GLG1: variants seen among roughly 807,000 people sequenced by gnomAD.
The protein encoded by GLG1 is Golgi apparatus protein 1.
A neutral mutation model predicts 160.5 loss-of-function variants in GLG1; 38 were observed. The observed-to-expected ratio is 0.24, with a 90% CI of 0.18 to 0.31. The LOEUF is 0.31. Ranked by LOEUF, GLG1 falls within the 10% of genes least tolerant of loss-of-function variation. The pLI is 1.00. For synonymous variants in GLG1, 644 were observed against 543.4 expected (o/e 1.19, Z -2.57); for missense variants, 1,373 against 1,505.2 (o/e 0.91, Z 1.45).
intron 1 of GLG1, among the ~76,000 whole-genome samples, chr16:74,572,576 T>C (rs2018863117): frequency 6.6e-6 from 1 of 151,804 alleles, no homozygotes; most frequent in Non-Finnish European, 1.5e-5. Flanking sequence ...TCTGAGGTCT[T>C]CCAGATAACT....
intron 1 of GLG1, among the ~76,000 whole-genome samples, chr16:74,571,001 G>T (rs1345328281): frequency 6.7e-6 from 1 of 150,334 alleles, no homozygotes; most frequent in Non-Finnish European, 1.5e-5. Context: ...TTAACCTTTT[G>T]AATCTGGGCA....
At position 74,452,345 on chromosome 16, in the gene GLG1, C is replaced by T. The variant is rs573292763; in HGVS notation, c.*822G>A. The T allele has an allele frequency of 1.5e-5, 21 of 1,374,428 alleles. No individual in the cohort carries two copies. The highest frequency in any genetic ancestry group is 3.0e-5 in the Admixed American group (1 of 33,412). 85.1% of individuals were successfully genotyped at this position (1,374,428 alleles called of 1,614,324 possible). On this transcript the variant is annotated 3_prime_UTR_variant, in exon 26 of 26. Coordinates refer to ENST00000422840, the MANE Select transcript of GLG1 (RefSeq NM_001145667.2). ...GAAGGTTCCTGGGATCCTGCTGCCC[C>T]GGGACTCAGGATCCAGCCTCTCAGT...
At position 74,489,766 on chromosome 16, in the gene GLG1, C is replaced by A. The variant is rs868777170; in HGVS notation, c.1449+1235G>T. Among the ~76,000 whole-genome samples the A allele has an allele frequency of 5.3e-4, 81 of 152,170 alleles. 1 individual carries two copies. The highest frequency in any genetic ancestry group is 2.0e-3 in the African/African-American group (81 of 41,424). ...ACCATGGGATGCATAGACACGCATG[C>A]GTGCGCACACACACACACAGACACA... On this transcript the variant is annotated intron_variant, in intron 8 of 25. Transcript: ENST00000422840.
At chr16:74,479,623 T>C (rs2015526838) in intron 11 of GLG1, among the ~76,000 whole-genome samples, 2 of 152,112 alleles carry the variant, frequency 1.3e-5, no homozygotes, top group Non-Finnish European at 2.9e-5. Context: ...TGAGAAGTGA[T>C]ACCATCTCAA....
At position 74,527,798 on chromosome 16, in the gene GLG1, C is replaced by T. The variant is rs534243473; in HGVS notation, c.471+4323G>A. ...GGTGAGTGCCGTGGCGGGATCTCAG[C>T]TCACTGCGACCTCTTCCTCCCCAGT... On this transcript the variant is annotated intron_variant, in intron 2 of 25. Transcript: ENST00000422840. Among the ~76,000 whole-genome samples, 222 of 152,008 alleles carry T rather than the reference C, an allele frequency of 1.5e-3. 1 individual carries two copies. The South Asian group carries it at 0.016, about 11-fold the overall frequency.
At chr16:74,561,030 T>C (rs2018498635) in intron 1 of GLG1, among the ~76,000 whole-genome samples, 1 of 152,248 alleles carries the variant, frequency 6.6e-6, no homozygotes, top group African/African-American at 2.4e-5. Flanking sequence ...CACGCAGTCC[T>C]GCGCAGTCCT....
chr16:74,463,325 CG>C (rs761284294), intron 20 of GLG1, 30 bp downstream of exon 20: 20 of 1,610,290 alleles, frequency 1.2e-5, no homozygotes, highest in Non-Finnish European at 1.6e-5. Flanking sequence ...AGATACTCCA[CG>C]GGGCCAGGAG....
chr16:74,589,847 G>C (rs1346473930), intron 1 of GLG1, among the ~76,000 whole-genome samples: 1 of 152,154 alleles, frequency 6.6e-6, no homozygotes, highest in Non-Finnish European at 1.5e-5. Flanking sequence ...TGAGGCAGGA[G>C]AATTGCTTGA....
At chr16:74,490,865 G>T (rs915195212) in intron 8 of GLG1, 136 bp downstream of exon 8, 2 of 646,226 alleles carry the variant, frequency 3.1e-6, no homozygotes, top group Admixed American at 5.6e-5. Flanking sequence ...GCAACGTTCA[G>T]TCTCTGATCA....
chr16:74,545,140 T>C (rs531716058), intron 1 of GLG1, among the ~76,000 whole-genome samples: 1 of 152,290 alleles, frequency 6.6e-6, no homozygotes, highest in East Asian at 1.9e-4. Flanking sequence ...GGTGGAAAGA[T>C]CTAATCCTAA....
intron 2 of GLG1, among the ~76,000 whole-genome samples, chr16:74,514,087 T>TA (rs551070476): frequency 2.6e-4 from 39 of 151,802 alleles, no homozygotes; most frequent in Admixed American, 6.6e-4. Flanking sequence ...CAAGATTAGA[T>TA]AAAAAAAGAG....
chr16:74,451,912 A>T lies in GLG1; in HGVS notation c.*1255T>A. ...ATACAACATTTAGCCAATGCCTACTAGAGTGGGTACACGCAGCAAATGGAC... is the reference window on the plus strand; with the variant it reads ...ATACAACATTTAGCCAATGCCTACTTGAGTGGGTACACGCAGCAAATGGAC... On this transcript the variant is annotated 3_prime_UTR_variant, in exon 26 of 26. Transcript: ENST00000422840. 1 of 656,230 alleles carries T rather than the reference A, an allele frequency of 1.5e-6. No homozygotes were observed. Among genetic ancestry groups the T allele is most frequent in the South Asian group, 1.8e-5 (1 of 56,140 alleles). 40.7% of individuals were successfully genotyped at this position (656,230 alleles called of 1,614,324 possible).
At chr16:74,540,692 T>G (rs1205321951) in intron 1 of GLG1, among the ~76,000 whole-genome samples, 1 of 151,444 alleles carries the variant, frequency 6.6e-6, no homozygotes, top group Non-Finnish European at 1.5e-5. Context: ...TAGAATACAG[T>G]TTGGTGCTGG....
At chr16:74,559,526 ACTCTTCCTTAATC>A (rs1208454065) in intron 1 of GLG1, among the ~76,000 whole-genome samples, 1 of 151,494 alleles carries the variant, frequency 6.6e-6, no homozygotes, top group African/African-American at 2.4e-5. Flanking sequence ...TAAAAATATA[ACTCTTCCTTAATC>A]CTCTGTCCTC....
At chr16:74,584,965 T>G (rs1289770723) in intron 1 of GLG1, among the ~76,000 whole-genome samples, 1 of 151,904 alleles carries the variant, frequency 6.6e-6, no homozygotes, top group Non-Finnish European at 1.5e-5. Flanking sequence ...TGTACAATGC[T>G]CGAGTAATGG....
At chr16:74,487,165 C>T (rs1049908794) in intron 8 of GLG1, among the ~76,000 whole-genome samples, 4 of 152,114 alleles carry the variant, frequency 2.6e-5, no homozygotes, top group Non-Finnish European at 5.9e-5. Flanking sequence ...CTCGAACTCC[C>T]AAAGTGCTGG....
At chr16:74,544,911 A>G (rs2018003917) in intron 1 of GLG1, among the ~76,000 whole-genome samples, 1 of 151,928 alleles carries the variant, frequency 6.6e-6, no homozygotes, top group Non-Finnish European at 1.5e-5. Context: ...TAATTATTGC[A>G]TACTTCTAGA....
intron 3 of GLG1, among the ~76,000 whole-genome samples, chr16:74,506,238 G>A (rs549711767): frequency 6.6e-6 from 1 of 151,838 alleles, no homozygotes; most frequent in East Asian, 1.9e-4. Flanking sequence ...TAATGAAACA[G>A]AGAAACATTT....
chr16:74,463,090 A>AT (rs759442858), intron 20 of GLG1: 357 of 492,234 alleles, frequency 7.3e-4, no homozygotes, highest in Non-Finnish European at 1.1e-3. Flanking sequence ...GAATTTCTAG[A>AT]TTTTTCTTTC....
Sources: gnomAD v4.1 joint callset for allele counts (sites outside exome capture counted in the v4.1 genomes callset) on GRCh38, gnomAD v4.1.1 for gene constraint, MANE v1.5 for transcripts, NCBI Gene and HGNC (gene_info 2026-07-23, HGNC 2026-07-21) for gene names.